The following FGFR2 variants were observed in gnomAD, a reference collection of about 807,000 sequenced individuals.
FGFR2 encodes the protein BEK fibroblast growth factor receptor.
A neutral mutation model predicts 95.9 loss-of-function variants in FGFR2; 19 were observed. The ratio of observed to expected loss-of-function variants is 0.20; its 90% CI spans 0.14 to 0.29. FGFR2 has a LOEUF of 0.29. FGFR2 is among the 10% of genes least tolerant of loss of function. FGFR2 has a pLI of 1.00. For synonymous variants in FGFR2, 392 were observed against 393.3 expected, an observed-to-expected ratio of 1.00 and a Z score of 0.04; for missense variants, 707 against 1,056.9, an observed-to-expected ratio of 0.67 and a Z score of 4.59.
chr10:121,567,612 T>C (rs1444922949), intron 2 of FGFR2, among the ~76,000 whole-genome samples: 2 of 152,228 alleles, frequency 1.3e-5, no homozygotes, highest in African/African-American at 4.8e-5. Flanking sequence ...ACAGTGTTCT[T>C]GCTTAAGCAT....
chr10:121,507,662 A>C (rs890351151), intron 9 of FGFR2, among the ~76,000 whole-genome samples: 4 of 152,178 alleles, frequency 2.6e-5, no homozygotes, highest in Non-Finnish European at 5.9e-5. Context: ...GGAAAAAAAA[A>C]CTGATGAAGT....
At chr10:121,525,633 GAGA>G (rs1851260711) in intron 6 of FGFR2, among the ~76,000 whole-genome samples, 1 of 151,576 alleles carries the variant, frequency 6.6e-6, no homozygotes, top group Non-Finnish European at 1.5e-5. Flanking sequence ...GGGAGAGAGA[GAGA>G]GAGAGAGAGA....
chr10:121,598,282 C>A lies in FGFR2; in HGVS notation c.-471G>T, dbSNP rs1159130393. ...CAGGCAAGCTGCGGCCTCGGGGCCC[C>A]CGGGGCTCGCGGCCGGCCCCCGCCA... On this transcript the variant is annotated 5_prime_UTR_variant, in exon 1 of 18. Transcript: ENST00000358487. 1.0e-5 allele frequency: 4 copies of A among 380,986 alleles called. No homozygotes were observed. The highest frequency in any genetic ancestry group is 1.9e-5 in the Non-Finnish European group (4 of 214,788). 23.6% of individuals were successfully genotyped at this position (380,986 alleles called of 1,614,324 possible).
intron 2 of FGFR2, among the ~76,000 whole-genome samples, chr10:121,589,589 C>T (rs1261963975): frequency 6.6e-6 from 1 of 152,128 alleles, no homozygotes; most frequent in East Asian, 1.9e-4. Context: ...CACACATATA[C>T]CCCAAATTTG....
At chr10:121,563,331 G>A (rs58217359) in intron 4 of FGFR2, among the ~76,000 whole-genome samples, 2,294 of 152,176 alleles carry the variant, frequency 0.015, 66 homozygotes, top group African/African-American at 0.052. Context: ...CCAAGATGGC[G>A]CCACTGCACT....
intron 6 of FGFR2, among the ~76,000 whole-genome samples, chr10:121,532,256 C>G (rs894564946): frequency 1.3e-5 from 2 of 152,304 alleles, no homozygotes; most frequent in African/African-American, 4.8e-5. Context: ...GGAACAGGTA[C>G]AAGCATGACA....
intron 2 of FGFR2, among the ~76,000 whole-genome samples, chr10:121,568,265 T>C (rs1399487427): frequency 6.6e-6 from 1 of 152,190 alleles, no homozygotes; most frequent in Admixed American, 6.5e-5. Flanking sequence ...CTTTGACAGC[T>C]GGCTAAGGCA....
chr10:121,569,415 G>A (rs188760691), intron 2 of FGFR2, among the ~76,000 whole-genome samples: 7 of 152,040 alleles, frequency 4.6e-5, no homozygotes, highest in Admixed American at 4.6e-4. Context: ...GAGAGACAGC[G>A]TTTACCATAT....
chr10:121,576,550 G>A (rs1859801465), intron 2 of FGFR2, among the ~76,000 whole-genome samples: 1 of 152,160 alleles, frequency 6.6e-6, no homozygotes, highest in African/African-American at 2.4e-5. Context: ...GGCCTTTAAT[G>A]ACCCAATCTT....
intron 2 of FGFR2, among the ~76,000 whole-genome samples, chr10:121,585,348 A>G (rs1861666749): frequency 6.6e-6 from 1 of 151,976 alleles, no homozygotes; most frequent in Non-Finnish European, 1.5e-5. Flanking sequence ...TACACTGTAG[A>G]GTAAACATCT....
At chr10:121,525,496 C>G (rs1407785844) in intron 6 of FGFR2, among the ~76,000 whole-genome samples, 1 of 152,112 alleles carries the variant, frequency 6.6e-6, no homozygotes, top group Non-Finnish European at 1.5e-5. Context: ...GCAGAAAGCC[C>G]AGCTGCTAAG....
intron 6 of FGFR2, 171 bp downstream of exon 6, chr10:121,538,421 G>C: frequency 9.6e-7 from 1 of 1,043,154 alleles, no homozygotes; most frequent in Non-Finnish European, 1.5e-6. Context: ...CTGGAAAACA[G>C]AATATTGTCA....
At chr10:121,587,345 T>A (rs1028112202) in intron 2 of FGFR2, among the ~76,000 whole-genome samples, 10 of 152,150 alleles carry the variant, frequency 6.6e-5, no homozygotes, top group Admixed American at 5.2e-4. Context: ...GACATAGGAA[T>A]GGGCAAAGAT....
chr10:121,586,120 G>A (rs1316145475), intron 2 of FGFR2, among the ~76,000 whole-genome samples: 1 of 152,150 alleles, frequency 6.6e-6, no homozygotes, highest in Non-Finnish European at 1.5e-5. Context: ...TGGTCACTAT[G>A]GAAAATTTAA....
At chr10:121,493,468 C>T (rs116295052) in intron 13 of FGFR2, among the ~76,000 whole-genome samples, 3 of 152,130 alleles carry the variant, frequency 2.0e-5, no homozygotes, top group East Asian at 1.9e-4. Context: ...CCAGTCTGAG[C>T]GCCGAGGCTC....
Position 121,485,320 on chromosome 10 carries a change from C to T in FGFR2, c.2195+75G>A, listed in dbSNP as rs1613776. 77,989 of 1,598,834 alleles carry T rather than the reference C, an allele frequency of 0.049. 2,712 individuals carry two copies. The highest frequency in any genetic ancestry group is 0.18 in the African/African-American group (13,220 of 74,642). On this transcript the variant is annotated intron_variant, in intron 16 of 17. Coordinates refer to ENST00000358487, the MANE Select transcript of FGFR2 (RefSeq NM_000141.5). The surrounding 1 kb of genome is among the most constrained non-coding windows in gnomAD (Gnocchi z 4.2). ...TTAGGAAACCAGGGGCCTTCAAAAA[C>T]GAGATACATCAGGAGAGGTATTACT...
intron 12 of FGFR2, among the ~76,000 whole-genome samples, chr10:121,498,052 T>TTAAA (rs1396255775): frequency 3.3e-5 from 5 of 152,230 alleles, no homozygotes; most frequent in African/African-American, 1.2e-4. Flanking sequence ...CGCTTTCTCC[T>TTAAA]CTTTTAAGCT....
intron 9 of FGFR2, among the ~76,000 whole-genome samples, chr10:121,510,083 G>A (rs375755685): frequency 6.6e-6 from 1 of 152,162 alleles, no homozygotes; most frequent in Non-Finnish European, 1.5e-5. Context: ...ACCACCGCAA[G>A]CTGGGTGCCT....
intron 9 of FGFR2, among the ~76,000 whole-genome samples, chr10:121,514,826 C>T (rs1428117313): frequency 6.6e-6 from 1 of 152,220 alleles, no homozygotes; most frequent in Non-Finnish European, 1.5e-5. Flanking sequence ...TGATCAAACA[C>T]ACACAGGGGG....
Sources: allele counts gnomAD v4.1 joint callset (sites outside exome capture counted in the v4.1 genomes callset), GRCh38; gene constraint gnomAD v4.1.1; non-coding constraint Gnocchi (gnomAD v3.1); transcripts MANE v1.5; gene names NCBI Gene and HGNC (gene_info 2026-07-23, HGNC 2026-07-21).